NCOA6: variants seen among roughly 807,000 people sequenced by gnomAD.
NCOA6 encodes nuclear receptor coactivator 6.
NCOA6 carries 49 observed loss-of-function variants against 171.4 expected under a neutral mutation model. That is an observed-to-expected ratio of 0.29 (90% CI 0.23 to 0.36). The LOEUF is 0.36. Among genes scored for constraint, NCOA6 ranks in the 10% least tolerant of loss-of-function variants. The probability of loss-of-function intolerance (pLI) is 1.00; values close to 1 mark genes in which losing one functional copy is unlikely to be tolerated. For missense variants in NCOA6, 2,248 were observed against 2,554.5 expected (o/e 0.88, Z 2.59); for synonymous variants, 910 against 927.5 (o/e 0.98, Z 0.34).
intron 4 of NCOA6, among the ~76,000 whole-genome samples, chr20:34,772,906 T>C (rs2077194714): frequency 1.3e-5 from 2 of 152,196 alleles, no homozygotes; most frequent in South Asian, 2.1e-4. Context: ...CCAGCTCCTC[T>C]TACCTAAGAA....
Position 34,813,692 on chromosome 20 carries a change from T to G in NCOA6, c.-164+11780A>C, listed in dbSNP as rs367803805. The stretch of plus-strand genomic sequence containing the variant: ...CATAATAAACATATTATTAAACATA[T>G]GACAACATGTTGAATATAGATGGTG... On this transcript the variant is annotated intron_variant, in intron 1 of 14. Coordinates refer to ENST00000359003, the MANE Select transcript of NCOA6 (RefSeq NM_014071.5). Among the ~76,000 whole-genome samples, 4 of 152,132 alleles carry G rather than the reference T, an allele frequency of 2.6e-5. No homozygotes were observed. In the East Asian group the frequency reaches 5.8e-4, roughly 22 times the overall value.
At chr20:34,807,547 A>G (rs2078495375) in intron 1 of NCOA6, among the ~76,000 whole-genome samples, 1 of 152,128 alleles carries the variant, frequency 6.6e-6, no homozygotes, top group Non-Finnish European at 1.5e-5. Context: ...ATTTTTTGAG[A>G]TGGAGTCTCG....
At chr20:34,768,622 A>G (rs763209019) in intron 4 of NCOA6, 36 bp from the exon 5 acceptor site, 1 of 1,608,704 alleles carries the variant, frequency 6.2e-7, no homozygotes, top group Non-Finnish European at 8.5e-7. Flanking sequence ...GGAAATCATT[A>G]GAATAAAATG....
Position 34,742,096 on chromosome 20 carries a change from G to C in NCOA6, c.4160C>G (p.Pro1387Arg). Reference protein sequence around the residue: ...SPTPLANPPVPGSFPNNSGLN... With the variant: ...SPTPLANPPVRGSFPNNSGLN... ...CCCACTGTTGTTAGGAAAGCTCCCAGGTACAGGGGGATTGGCCAGAGGAGT... is the reference window on the plus strand; with the variant it reads ...CCCACTGTTGTTAGGAAAGCTCCCACGTACAGGGGGATTGGCCAGAGGAGT... Residue 1387 changes from proline (P) to arginine (R), a missense_variant, in exon 11 of 15, where the codon CCT becomes CGT. Coordinates refer to ENST00000359003, the MANE Select transcript of NCOA6 (RefSeq NM_014071.5). 2 of 1,614,210 alleles carry C rather than the reference G, an allele frequency of 1.2e-6. No homozygotes were observed. The highest frequency in any genetic ancestry group is 1.6e-4 in the Middle Eastern group (1 of 6,062).
In NCOA6 at chr20:34,786,079, A is replaced by C. The variant is rs140098667; in HGVS notation, c.-49-3675T>G. On this transcript the variant is annotated intron_variant, in intron 2 of 14. Coordinates refer to ENST00000359003, the MANE Select transcript of NCOA6 (RefSeq NM_014071.5). ...GTCTTCCTGGTTCAGCTGAGAGTGT[A>C]TGTGTCCAGGAATTTATCCATTTCT... 6.9e-4 allele frequency among the ~76,000 whole-genome samples: 105 copies of C among 152,252 alleles called. 2 individuals carry two copies. The highest frequency in any genetic ancestry group is 2.2e-3 in the African/African-American group (93 of 41,548).
intron 14 of NCOA6, among the ~76,000 whole-genome samples, chr20:34,722,981 T>G (rs1281978232): frequency 6.6e-6 from 1 of 152,160 alleles, no homozygotes; most frequent in Non-Finnish European, 1.5e-5. Context: ...CACTCTGGCC[T>G]GGGCGACAGA....
intron 3 of NCOA6, among the ~76,000 whole-genome samples, chr20:34,781,895 T>A (rs1018542813): frequency 3.3e-5 from 5 of 152,180 alleles, no homozygotes; most frequent in African/African-American, 1.2e-4. Flanking sequence ...TAGAGAAGAT[T>A]ATTCAACAAT....
Position 34,795,222 on chromosome 20 carries a change from G to C in NCOA6, c.-163-2659C>G, listed in dbSNP as rs565603024. Among the ~76,000 whole-genome samples the C allele has an allele frequency of 3.3e-5, 5 of 152,274 alleles. No homozygotes were observed. The South Asian group carries it at 1.0e-3, about 32-fold the overall frequency. ...CATGATCGAAAATTGTTGGAAAACA[G>C]GTTACCACAGTGCCAAAGGATCATT... On this transcript the variant is annotated intron_variant, in intron 1 of 14. Coordinates refer to ENST00000359003, the MANE Select transcript of NCOA6 (RefSeq NM_014071.5).
At position 34,758,849 on chromosome 20, in the gene NCOA6, T is replaced by C. The variant is rs138393772; in HGVS notation, c.599A>G (p.Asn200Ser). The change falls in exon 6 of 15, where the codon AAT (asparagine) becomes AGT (serine). Residue 200 changes from asparagine to serine, a missense_variant. Coordinates refer to ENST00000359003, the MANE Select transcript of NCOA6 (RefSeq NM_014071.5). ...VSSSMMAPGPNPELQPRTPRP... is the reference protein window; with the variant it reads ...VSSSMMAPGPSPELQPRTPRP... ...AGGAGTCCTGGGCTGCAGCTCTGGA[T>C]TGGGGCCTGGTGCCATCATGGAAGA... is the stretch of plus-strand genomic sequence containing the variant. 2.7e-4 allele frequency: 437 copies of C among 1,613,474 alleles called. 1 individual carries two copies. In the African/African-American group the frequency reaches 4.1e-3, roughly 15 times the overall value.
At chr20:34,787,349 C>A (rs1433083218) in intron 2 of NCOA6, among the ~76,000 whole-genome samples, 2 of 151,686 alleles carry the variant, frequency 1.3e-5, no homozygotes, top group South Asian at 2.1e-4. Flanking sequence ...CACAGTAAGA[C>A]CCCGACTCTA....
rs372050454 is a variant in NCOA6 at position 34,765,081 on chromosome 20, AC to A, written c.514+3382del. On this transcript the variant is annotated intron_variant, in intron 5 of 14. Coordinates refer to ENST00000359003, the MANE Select transcript of NCOA6 (RefSeq NM_014071.5). ...GGTTGCAGTGAGCTGAGATCATGCC[AC>A]AGTACTCCAGCCTGGGTGATGGAGT... Among the ~76,000 whole-genome samples the A allele has an allele frequency of 4.6e-4, 70 of 151,506 alleles. No individual in the cohort carries two copies. In the East Asian group the frequency reaches 0.012, roughly 25 times the overall value.
rs542816041 is a variant in NCOA6 at position 34,778,677 on chromosome 20, C to T, written c.236-2229G>A. ...TCTTGACCTTGTGATCCACCTGCCT[C>T]GGCCTCCCAAAGTGCTGGGATTGCA... On this transcript the variant is annotated intron_variant, in intron 3 of 14. Coordinates refer to ENST00000359003, the MANE Select transcript of NCOA6 (RefSeq NM_014071.5). 5.3e-5 allele frequency among the ~76,000 whole-genome samples: 8 copies of T among 152,134 alleles called. No homozygotes were observed. The South Asian group carries it at 1.2e-3, about 24-fold the overall frequency.
intron 1 of NCOA6, among the ~76,000 whole-genome samples, chr20:34,801,232 T>A (rs1015778570): frequency 1.1e-4 from 16 of 152,270 alleles, no homozygotes; most frequent in Non-Finnish European, 2.2e-4. Flanking sequence ...AGTTTATGGC[T>A]ATAGGCATTT....
chr20:34,803,565 T>G (rs1482716104), intron 1 of NCOA6, among the ~76,000 whole-genome samples: 1 of 152,054 alleles, frequency 6.6e-6, no homozygotes, highest in Admixed American at 6.6e-5. Context: ...CAATGTACAA[T>G]GAAATAGATT....
In NCOA6 at chr20:34,740,834, G is replaced by A. The variant is rs1362599496; in HGVS notation, c.5422C>T (p.Arg1808Ter). The change falls in exon 11 of 15, where the codon CGA becomes TGA. Residue 1808 changes from arginine to a stop codon, truncating the protein, a stop_gained. Coordinates refer to ENST00000359003, the MANE Select transcript of NCOA6 (RefSeq NM_014071.5). LOFTEE classifies it high-confidence loss of function. ...TNSPGSSGNRRSPVSSSKGKG... is the reference protein window; with the variant it reads ...TNSPGSSGNR ...CCCTTACTAGACGAGACTGGGCTTCGCCGGTTGCCAGAGGACCCTGGACTA... is the reference window on the plus strand; with the variant it reads ...CCCTTACTAGACGAGACTGGGCTTCACCGGTTGCCAGAGGACCCTGGACTA... The A allele has an allele frequency of 1.9e-6, 3 of 1,614,180 alleles. No individual in the cohort carries two copies. The highest frequency in any genetic ancestry group is 1.7e-5 in the Admixed American group (1 of 60,028).
chr20:34,749,837 C>T lies in NCOA6; in HGVS notation c.2358G>A (p.Gln786=). ...SPSQVMGIQG[Q]VLRPPGPSPH... is the part of the protein sequence containing the mutation. Reference sequence around the variant, plus strand: ...GGCTGGGCCCTGGTGGCCGCAGGACCTGTCCCTGAATGCCCATAACCTGAG... The same window carrying T: ...GGCTGGGCCCTGGTGGCCGCAGGACTTGTCCCTGAATGCCCATAACCTGAG... The change falls in exon 9 of 15, where the codon CAG becomes CAA. Residue 786 remains glutamine, a synonymous_variant. Coordinates refer to ENST00000359003, the MANE Select transcript of NCOA6 (RefSeq NM_014071.5). 3 of 1,614,232 alleles carry T rather than the reference C, an allele frequency of 1.9e-6. No individual in the cohort carries two copies. Among genetic ancestry groups the T allele is most frequent in the Non-Finnish European group, 2.5e-6 (3 of 1,180,040 alleles).
chr20:34,822,364 C>T (rs1164931209), intron 1 of NCOA6, among the ~76,000 whole-genome samples: 1 of 152,134 alleles, frequency 6.6e-6, no homozygotes, highest in Non-Finnish European at 1.5e-5. Flanking sequence ...ATTCTATGCT[C>T]CAGCCACATT....
intron 1 of NCOA6, chr20:34,820,412 AT>A (rs1401943262): frequency 1.3e-5 from 2 of 152,056 alleles, no homozygotes; most frequent in African/African-American, 4.8e-5. Context: ...AAAGGAAAAG[AT>A]TGATAAAGTT....
Position 34,749,706 on chromosome 20 carries a change from G to A in NCOA6, c.2489C>T (p.Pro830Leu). ...DVSIQQTNMV[P>L]PHVQAMQGNS... is the part of the protein sequence containing the mutation. ...TCCCTGCATGGCCTGCACATGAGGG[G>A]GGACCATGTTGGTTTGTTGAATGCT... is the stretch of plus-strand genomic sequence containing the variant. The change falls in exon 9 of 15, where the codon CCC becomes CTC. Residue 830 changes from proline to leucine, a missense_variant. Pro to Leu is a moderately conservative substitution (Grantham distance 98, BLOSUM62 -3). Transcript: ENST00000359003. 6.2e-7 allele frequency: 1 copy of A among 1,614,224 alleles called. No individual in the cohort carries two copies. Among genetic ancestry groups the A allele is most frequent in the Non-Finnish European group, 8.5e-7 (1 of 1,180,046 alleles).
Sources: gnomAD v4.1 joint callset for allele counts (sites outside exome capture counted in the v4.1 genomes callset) on GRCh38, gnomAD v4.1.1 for gene constraint, MANE v1.5 for transcripts, NCBI Gene and HGNC (gene_info 2026-07-23, HGNC 2026-07-21) for gene names.